Variants in NUP214 observed in about 807,000 individuals in gnomAD.
NUP214 encodes the protein nucleoporin 214.
NUP214 carries 79 observed loss-of-function variants against 196.2 expected under a neutral mutation model. The observed-to-expected ratio is 0.40, with a 90% CI of 0.34 to 0.49. NUP214 has a LOEUF of 0.49. Ranked by LOEUF, NUP214 falls within the 20% of genes least tolerant of loss-of-function variation. NUP214 has a pLI of 0.58. For synonymous variants in NUP214, 1,020 were observed against 990.5 expected, an observed-to-expected ratio of 1.03 and a Z score of -0.56; for missense variants, 2,468 against 2,539.0, an observed-to-expected ratio of 0.97 and a Z score of 0.60.
chr9:131,195,282 A>T lies in NUP214; in HGVS notation c.3709A>T (p.Thr1237Ser). 6.2e-7 allele frequency: 1 copy of T among 1,613,070 alleles called. No individual in the cohort carries two copies. The highest frequency in any genetic ancestry group is 1.7e-5 in the Admixed American group (1 of 60,010). ...IITPTPSSNF[T>S]AAQGATPSTK... ...CACACCAACACCGTCTTCTAATTTC[A>T]CTGCTGCACAAGGTACAGACTCTGT... is the stretch of plus-strand genomic sequence containing the variant. The change falls in exon 28 of 36, where the codon ACT becomes TCT. Residue 1237 changes from threonine (T) to serine (S), a missense_variant. Transcript: ENST00000359428.
rs1833478662 is a variant in NUP214 at position 131,187,298 on chromosome 9, G to A, written c.3429G>A (p.Val1143=). 1.9e-6 allele frequency: 3 copies of A among 1,613,342 alleles called. No homozygotes were observed. The highest frequency in any genetic ancestry group is 2.5e-6 in the Non-Finnish European group (3 of 1,179,730). The part of the protein sequence containing the change: ...ATPSTAMGSS[V]PYSTAKTPHP... ...TTTGTGTGTTTTTCAGTTCTTCAGT[G>A]CCCTACTCCACAGCCAAAACACCTC... The change falls in exon 25 of 36, where the codon GTG becomes GTA. Residue 1143 remains valine (V), a synonymous_variant. Coordinates refer to ENST00000359428, the MANE Select transcript of NUP214 (RefSeq NM_005085.4).
intron 30 of NUP214, among the ~76,000 whole-genome samples, chr9:131,206,148 C>CTTTGTTTTTTTTTTTTTT (rs1834076230): frequency 1.3e-5 from 1 of 76,388 alleles, no homozygotes; most frequent in Non-Finnish European, 2.4e-5. Flanking sequence ...TTTCTTTTTT[C>CTTTGTTTTTTTTTTTTTT]TTTTTTTTTT....
chr9:131,152,820 C>T (rs1832314080), intron 17 of NUP214, among the ~76,000 whole-genome samples: 2 of 151,610 alleles, frequency 1.3e-5, no homozygotes, highest in South Asian at 2.1e-4. Flanking sequence ...CTCGCACTGT[C>T]GCCTGGGCTG....
At chr9:131,196,503 C>A (rs1035181483) in intron 28 of NUP214, among the ~76,000 whole-genome samples, 1 of 152,172 alleles carries the variant, frequency 6.6e-6, no homozygotes, top group Non-Finnish European at 1.5e-5. Context: ...TTGACCAGGC[C>A]TTATGGGTGC....
chr9:131,211,173 T>C lies in NUP214; in HGVS notation c.5593-4039T>C, dbSNP rs190438695. 1.9e-3 allele frequency among the ~76,000 whole-genome samples: 292 copies of C among 152,338 alleles called. 3 individuals are homozygous for C. The highest frequency in any genetic ancestry group is 6.7e-3 in the African/African-American group (279 of 41,582). On this transcript the variant is annotated intron_variant, in intron 30 of 35. Coordinates refer to ENST00000359428, the MANE Select transcript of NUP214 (RefSeq NM_005085.4). ...AGCCTCCATTAGATGGAGGGAGTCA[T>C]TCTTTAATAAAACGGTATAATTTCA... is the stretch of plus-strand genomic sequence containing the variant.
intron 30 of NUP214, among the ~76,000 whole-genome samples, chr9:131,210,411 C>T (rs1159666553): frequency 6.6e-6 from 1 of 152,130 alleles, no homozygotes; most frequent in Admixed American, 6.5e-5. Context: ...GGGCGGATCA[C>T]GAGGTCAGGA....
At position 131,233,709 on chromosome 9, in the gene NUP214, G is replaced by A. The variant is rs577425691; in HGVS notation, c.*222G>A. 2.8e-5 allele frequency: 16 copies of A among 579,456 alleles called. No homozygotes were observed. Among genetic ancestry groups the A allele is most frequent in the African/African-American group, 1.8e-4 (10 of 54,102 alleles). The allele number at this position is 579,456 out of a possible 1,614,324, so 35.9% of individuals were successfully genotyped here. On this transcript the variant is annotated 3_prime_UTR_variant, in exon 36 of 36. Coordinates refer to ENST00000359428, the MANE Select transcript of NUP214 (RefSeq NM_005085.4). The stretch of plus-strand genomic sequence containing the variant: ...TAAACAGTCTGTTTCCGTACAGAAC[G>A]TATGTGGGTTTTTTCAGATCACAGC...
At chr9:131,140,980 T>C (rs1831895085) in intron 11 of NUP214, among the ~76,000 whole-genome samples, 1 of 152,234 alleles carries the variant, frequency 6.6e-6, no homozygotes, top group South Asian at 2.1e-4. Context: ...CCAACAGTTT[T>C]CTAAGACCCT....
chr9:131,180,225 A>G (rs1033858748), intron 24 of NUP214, among the ~76,000 whole-genome samples: 2 of 152,226 alleles, frequency 1.3e-5, no homozygotes, highest in African/African-American at 4.8e-5. Flanking sequence ...ACTCTGGTAT[A>G]ATTATTTCAT....
chr9:131,193,392 T>C lies in NUP214; in HGVS notation c.3659+1100T>C, dbSNP rs145692762. On this transcript the variant is annotated intron_variant, in intron 27 of 35. Transcript: ENST00000359428. ...AGCATATTAACCAGTCTCTTTTTCCTGATTTTAATATATTTTTTGAGTGTC... is the reference window on the plus strand; with the variant it reads ...AGCATATTAACCAGTCTCTTTTTCCCGATTTTAATATATTTTTTGAGTGTC... Among the ~76,000 whole-genome samples, 327 of 152,224 alleles carry C rather than the reference T, an allele frequency of 2.1e-3. 1 individual carries two copies. The highest frequency in any genetic ancestry group is 7.6e-3 in the African/African-American group (315 of 41,552).
At chr9:131,174,371 A>G in intron 22 of NUP214, 53 bp downstream of exon 22, 3 of 1,572,332 alleles carry the variant, frequency 1.9e-6, no homozygotes, top group Non-Finnish European at 2.6e-6. Flanking sequence ...TTTCTAACTA[A>G]TGACGGAATT....
intron 24 of NUP214, among the ~76,000 whole-genome samples, chr9:131,182,571 TTG>T (rs1043020978): frequency 2.6e-5 from 4 of 152,162 alleles, no homozygotes; most frequent in Admixed American, 2.0e-4. Context: ...GTGGAAAAAA[TTG>T]TCTTTCACAA....
chr9:131,142,912 A>G (rs1459928366), intron 11 of NUP214, among the ~76,000 whole-genome samples: 1 of 152,262 alleles, frequency 6.6e-6, no homozygotes, highest in East Asian at 1.9e-4. Flanking sequence ...ATATAAATAG[A>G]AAATATTGAC....
rs775056869 is a variant in NUP214, at chr9:131,195,187, G to A, written c.3660-46G>A. 38 of 1,373,702 alleles carry A rather than the reference G, an allele frequency of 2.8e-5. No homozygotes were observed. In the Admixed American group the frequency reaches 6.4e-4, roughly 23 times the overall value. The allele number at this position is 1,373,702 out of a possible 1,614,324, so 85.1% of individuals were successfully genotyped here. ...AATGGAATATTAAGAGGGCAATATTGTGCCTTGGTTTGTTCCTTTTTAATT... is the reference window on the plus strand; with the variant it reads ...AATGGAATATTAAGAGGGCAATATTATGCCTTGGTTTGTTCCTTTTTAATT... On this transcript the variant is annotated intron_variant, in intron 27 of 35. Transcript: ENST00000359428.
Position 131,140,469 on chromosome 9 carries a change from T to A in NUP214, c.1133-80T>A, listed in dbSNP as rs1422897010. The A allele has an allele frequency of 2.4e-6, 3 of 1,236,562 alleles. No homozygotes were observed. The African/African-American group carries it at 4.5e-5, about 19-fold the overall frequency. The allele number at this position is 1,236,562 out of a possible 1,614,324, so 76.6% of individuals were successfully genotyped here. On this transcript the variant is annotated intron_variant, in intron 10 of 35. Transcript: ENST00000359428. ...AGATGAGTCCCTTAAACCCTCTTCA[T>A]GTTGAGGGCAGTCTTTGCCTTCTGG...
intron 27 of NUP214, among the ~76,000 whole-genome samples, chr9:131,194,499 A>G (rs1016268090): frequency 2.0e-5 from 3 of 152,084 alleles, no homozygotes; most frequent in African/African-American, 7.2e-5. Flanking sequence ...CAGCCTCTCA[A>G]AATGCTGGGA....
Position 131,169,318 on chromosome 9 carries a change from G to A in NUP214, c.2894-4737G>A, listed in dbSNP as rs142855895. On this transcript the variant is annotated intron_variant, in intron 21 of 35. Transcript: ENST00000359428. ...CAAAGTGCTCGGATTACAGGTGTGA[G>A]CCACCACGCCCAGCCTCTGCTTACA... 7.6e-3 allele frequency among the ~76,000 whole-genome samples: 1,154 copies of A among 152,074 alleles called. 12 individuals carry two copies. The highest frequency in any genetic ancestry group is 0.026 in the African/African-American group (1,086 of 41,484).
chr9:131,143,193 G>A (rs1831977009), intron 11 of NUP214, among the ~76,000 whole-genome samples: 1 of 151,972 alleles, frequency 6.6e-6, no homozygotes, highest in Admixed American at 6.6e-5. Context: ...TTTTTTTGTA[G>A]CAACAGGGTC....
chr9:131,186,893 AG>A (rs1182921449), intron 24 of NUP214, among the ~76,000 whole-genome samples: 1 of 152,186 alleles, frequency 6.6e-6, no homozygotes, highest in African/African-American at 2.4e-5. Flanking sequence ...TTGGATGCAT[AG>A]GTGGCAGTGA....
Sources: gnomAD v4.1 joint callset for allele counts (sites outside exome capture counted in the v4.1 genomes callset) on GRCh38, gnomAD v4.1.1 for gene constraint, MANE v1.5 for transcripts, NCBI Gene and HGNC (gene_info 2026-07-23, HGNC 2026-07-21) for gene names.